TRAF5: variants seen among roughly 807,000 people sequenced by gnomAD.
The protein encoded by TRAF5 is TNF receptor associated factor 5, also known as TNF receptor-associated factor 5.
In TRAF5, 48 loss-of-function variants were observed where a neutral mutation model predicts 64.5. The observed-to-expected ratio is 0.74, with a 90% CI of 0.59 to 0.95. The LOEUF (loss-of-function observed/expected upper bound fraction) is 0.95, where lower values mean the gene tolerates loss of function less well. Ranked by LOEUF, TRAF5 falls within the 40% of genes least tolerant of loss-of-function variation. The probability of loss-of-function intolerance (pLI) is 0.00; values close to 1 mark genes in which losing one functional copy is unlikely to be tolerated. For synonymous variants in TRAF5, 206 were observed against 240.5 expected, an observed-to-expected ratio of 0.86 and a Z score of 1.33; for missense variants, 545 against 662.8, an observed-to-expected ratio of 0.82 and a Z score of 1.95.
chr1:211,370,344 T>C (rs541536719), intron 9 of TRAF5, among the ~76,000 whole-genome samples: 12 of 151,940 alleles, frequency 7.9e-5, no homozygotes, highest in Admixed American at 6.6e-4. Context: ...CTAGGCCCTA[T>C]AATTTCCATA....
At chr1:211,331,841 A>G (rs1341469902) in intron 1 of TRAF5, among the ~76,000 whole-genome samples, 1 of 151,976 alleles carries the variant, frequency 6.6e-6, no homozygotes, top group East Asian at 1.9e-4. Flanking sequence ...AATTTTTTGT[A>G]TTTTTAGTAG....
At chr1:211,348,081 G>A (rs1039770634) in intron 1 of TRAF5, among the ~76,000 whole-genome samples, 1 of 152,122 alleles carries the variant, frequency 6.6e-6, no homozygotes, top group African/African-American at 2.4e-5. Context: ...TACTGACATC[G>A]TTTGCCATTT....
intron 1 of TRAF5, among the ~76,000 whole-genome samples, chr1:211,346,101 C>T (rs1016720329): frequency 4.6e-5 from 7 of 152,188 alleles, no homozygotes; most frequent in Non-Finnish European, 1.0e-4. Flanking sequence ...TCTTTAACCT[C>T]CTTCATCTAG....
At chr1:211,361,731 C>T (rs1214517255) in intron 7 of TRAF5, among the ~76,000 whole-genome samples, 1 of 123,144 alleles carries the variant, frequency 8.1e-6, no homozygotes, top group Non-Finnish European at 1.6e-5. Context: ...CAGAGTCTTG[C>T]TCTGTCACAG....
At chr1:211,371,579 A>G (rs780509535) in intron 10 of TRAF5, 109 bp downstream of exon 10, 21 of 1,128,472 alleles carry the variant, frequency 1.9e-5, no homozygotes, top group Non-Finnish European at 2.6e-5. Flanking sequence ...AGGATAAACA[A>G]TGGCTGAATC....
chr1:211,364,842 T>C (rs1352230104), intron 7 of TRAF5, among the ~76,000 whole-genome samples: 1 of 152,124 alleles, frequency 6.6e-6, no homozygotes, highest in Non-Finnish European at 1.5e-5. Flanking sequence ...AGAATTTTGA[T>C]ATTGGCCTGA....
intron 3 of TRAF5, among the ~76,000 whole-genome samples, chr1:211,354,771 T>C (rs1702908848): frequency 6.6e-6 from 1 of 152,254 alleles, no homozygotes; most frequent in African/African-American, 2.4e-5. Context: ...TCCTGTTGGC[T>C]AATGAAGTTG....
rs544039126 is a variant in TRAF5, at chr1:211,343,916, GGGCTTCCTAGTGGAGAACAA to G, written c.-1-9305_-1-9286del. The stretch of plus-strand genomic sequence containing the variant: ...GTTACAGAGCTGGAGCCAAGGATGG[GGGCTTCCTAGTGGAGAACAA>G]GGCTTCCTAGTGGAGAAAGCTGCTG... On this transcript the variant is annotated intron_variant, in intron 1 of 10. Transcript: ENST00000261464. Among the ~76,000 whole-genome samples, 244 of 152,232 alleles carry G rather than the reference GGGCTTCCTAGTGGAGAACAA, an allele frequency of 1.6e-3. 1 individual carries two copies. The highest frequency in any genetic ancestry group is 5.5e-3 in the African/African-American group (229 of 41,536).
Position 211,351,670 on chromosome 1 carries a change from G to A in TRAF5, c.-1-1569G>A, listed in dbSNP as rs879768488. 5.3e-5 allele frequency among the ~76,000 whole-genome samples: 8 copies of A among 152,002 alleles called. No individual in the cohort carries two copies. The East Asian group carries it at 7.7e-4, about 15-fold the overall frequency. The stretch of plus-strand genomic sequence containing the variant: ...GGGTGTCAGGTCTGTGTCTAGCTTC[G>A]TTTTCTGATGTGATGTCCAGTTGTC... On this transcript the variant is annotated intron_variant, in intron 1 of 10. Transcript: ENST00000261464.
intron 1 of TRAF5, among the ~76,000 whole-genome samples, chr1:211,342,811 T>C (rs1702484314): frequency 6.6e-6 from 1 of 152,252 alleles, no homozygotes; most frequent in African/African-American, 2.4e-5. Flanking sequence ...GTTCCATCTA[T>C]GTTGTTGCAA....
At chr1:211,344,070 G>A (rs1482934898) in intron 1 of TRAF5, among the ~76,000 whole-genome samples, 1 of 152,154 alleles carries the variant, frequency 6.6e-6, no homozygotes, top group Non-Finnish European at 1.5e-5. Flanking sequence ...CTGGAGTCAG[G>A]TAGACTCTAC....
chr1:211,338,643 A>G (rs1702368585), intron 1 of TRAF5, among the ~76,000 whole-genome samples: 1 of 151,652 alleles, frequency 6.6e-6, no homozygotes, highest in Non-Finnish European at 1.5e-5. Context: ...TTTTTTTTTG[A>G]GACAAGAGTC....
At chr1:211,336,818 C>T (rs1358332850) in intron 1 of TRAF5, among the ~76,000 whole-genome samples, 1 of 152,224 alleles carries the variant, frequency 6.6e-6, no homozygotes, top group Non-Finnish European at 1.5e-5. Context: ...TGCCACCATG[C>T]CCAGCTAATT....
chr1:211,336,983 C>T (rs948870044), intron 1 of TRAF5, among the ~76,000 whole-genome samples: 5 of 152,076 alleles, frequency 3.3e-5, no homozygotes, highest in South Asian at 2.1e-4. Context: ...CCGCTCGCCT[C>T]GGCCTTCCAA....
Position 211,361,106 on chromosome 1 carries a change from G to C in TRAF5, c.640G>C (p.Val214Leu), listed in dbSNP as rs1417800789. 6.2e-7 allele frequency: 1 copy of C among 1,614,142 alleles called. No individual in the cohort carries two copies. Among genetic ancestry groups the C allele is most frequent in the Non-Finnish European group, 8.5e-7 (1 of 1,180,004 alleles). Residue 214 changes from valine to leucine, a missense_variant, in exon 7 of 11, where the codon GTA (valine) becomes CTA (leucine). Physicochemically the swap from Val to Leu is conservative, Grantham distance 32. Transcript: ENST00000261464. ...LKTEVDEHLA[V>L]CPEAEQDCPF... ...TTCGTAGGTAGATGAACACCTGGCT[G>C]TATGTCCTGAAGCTGAGCAAGACTG...
intron 1 of TRAF5, among the ~76,000 whole-genome samples, chr1:211,349,446 G>A (rs1702715243): frequency 1.3e-5 from 2 of 152,168 alleles, no homozygotes; most frequent in Non-Finnish European, 2.9e-5. Flanking sequence ...CATGGGGAAA[G>A]TTGGAAGGGC....
chr1:211,356,551 G>A, intron 4 of TRAF5, 83 bp downstream of exon 4: 1 of 1,205,720 alleles, frequency 8.3e-7, no homozygotes, highest in Non-Finnish European at 1.2e-6. Context: ...CAGTTACTGA[G>A]CTAAGCATGG....
At chr1:211,334,424 C>T (rs1235227724) in intron 1 of TRAF5, among the ~76,000 whole-genome samples, 3 of 152,222 alleles carry the variant, frequency 2.0e-5, no homozygotes, top group African/African-American at 4.8e-5. Context: ...TTTGGGAGAC[C>T]GAGGCGGGCT....
intron 5 of TRAF5, chr1:211,360,361 C>T (rs1337400789): frequency 4.0e-6 from 2 of 495,260 alleles, no homozygotes; most frequent in Non-Finnish European, 3.6e-6. Flanking sequence ...TGTCTACTCT[C>T]TGAATTCTGC....
Sources: gnomAD v4.1 joint callset for allele counts (sites outside exome capture counted in the v4.1 genomes callset) on GRCh38, gnomAD v4.1.1 for gene constraint, MANE v1.5 for transcripts, NCBI Gene and HGNC (gene_info 2026-07-23, HGNC 2026-07-21) for gene names.